Variants in RFX3 observed in about 807,000 individuals in gnomAD.
RFX3 encodes transcription factor RFX3.
RFX3 carries 14 observed loss-of-function variants against 98.6 expected under a neutral mutation model. The observed-to-expected ratio is 0.14, with a 90% CI of 0.09 to 0.22. The LOEUF (loss-of-function observed/expected upper bound fraction) is 0.22, where lower values mean the gene tolerates loss of function less well. RFX3 is among the 10% of genes least tolerant of loss of function. The probability of loss-of-function intolerance (pLI) is 1.00; values close to 1 mark genes in which losing one functional copy is unlikely to be tolerated. For missense variants in RFX3, 639 were observed against 926.9 expected, an observed-to-expected ratio of 0.69 and a Z score of 4.03; for synonymous variants, 383 against 328.4, an observed-to-expected ratio of 1.17 and a Z score of -1.80.
At chr9:3,283,681 C>T (rs1409839173) in intron 7 of RFX3, among the ~76,000 whole-genome samples, 2 of 151,760 alleles carry the variant, frequency 1.3e-5, no homozygotes, top group African/African-American at 4.8e-5. Context: ...CTTCTCTCTT[C>T]TTAAGTGACA....
intron 2 of RFX3, among the ~76,000 whole-genome samples, chr9:3,376,877 A>T (rs1838585085): frequency 6.6e-6 from 1 of 152,234 alleles, no homozygotes; most frequent in South Asian, 2.1e-4. Flanking sequence ...AGAAATGCAA[A>T]TCAAAACCAC....
At chr9:3,275,088 G>T (rs562233259) in intron 9 of RFX3, among the ~76,000 whole-genome samples, 429 of 151,670 alleles carry the variant, frequency 2.8e-3, no homozygotes, top group African/African-American at 9.2e-3. Flanking sequence ...TCTAAAGATT[G>T]TATTAATACC....
intron 1 of RFX3, among the ~76,000 whole-genome samples, chr9:3,469,333 A>G (rs80184473): frequency 0.016 from 2,365 of 152,296 alleles, 57 homozygotes; most frequent in African/African-American, 0.053. Flanking sequence ...GTCTAGTACC[A>G]TTAGAATCTA....
chr9:3,222,028 A>G lies in RFX3; in HGVS notation c.*3014T>C, dbSNP rs967406110. The G allele has an allele frequency of 6.6e-6, 1 of 152,186 alleles. No individual in the cohort carries two copies. The highest frequency in any genetic ancestry group is 2.4e-5 in the African/African-American group (1 of 41,460). The allele number at this position is 152,186 out of a possible 1,614,324, so 9.4% of individuals were successfully genotyped here. On this transcript the variant is annotated 3_prime_UTR_variant, in exon 17 of 17. Transcript: ENST00000617270. ...ATTATTTAGAAAACCCACACTTTCAATGAGTGAAAAAAGGGAAAAAGGGAA... is the reference window on the plus strand; with the variant it reads ...ATTATTTAGAAAACCCACACTTTCAGTGAGTGAAAAAAGGGAAAAAGGGAA...
At chr9:3,421,247 G>C (rs1378706815) in intron 1 of RFX3, among the ~76,000 whole-genome samples, 3 of 152,122 alleles carry the variant, frequency 2.0e-5, no homozygotes, top group African/African-American at 4.8e-5. Flanking sequence ...TGAACTCAAA[G>C]CTTACAAAGT....
chr9:3,392,873 G>A (rs970735521), intron 2 of RFX3, among the ~76,000 whole-genome samples: 15 of 152,166 alleles, frequency 9.9e-5, no homozygotes, highest in African/African-American at 3.6e-4. Flanking sequence ...GGTAATCACT[G>A]TTTACTACAA....
intron 15 of RFX3, chr9:3,247,548 G>A: frequency 5.6e-6 from 6 of 1,062,446 alleles, no homozygotes; most frequent in Non-Finnish European, 7.2e-6. Flanking sequence ...ATAGAACTGT[G>A]CCTCGCACAT....
intron 2 of RFX3, among the ~76,000 whole-genome samples, chr9:3,366,694 CTTTCTTTCTTTCTTTCTTTCTTTCT>C (rs1837152811): frequency 1.2e-4 from 1 of 8,304 alleles, no homozygotes; most frequent in Non-Finnish European, 3.0e-4. Context: ...TCTTTCTTTC[CTTTCTTTCTTTCTTTCTTTCTTTCT>C]TTCTTTCTTT....
chr9:3,307,720 C>T (rs117888932), intron 4 of RFX3, among the ~76,000 whole-genome samples: 1,670 of 152,210 alleles, frequency 0.011, 21 homozygotes, highest in Middle Eastern at 0.017. Context: ...ATTTCTCTGC[C>T]GCATAGTCTT....
intron 1 of RFX3, among the ~76,000 whole-genome samples, chr9:3,441,625 T>C (rs1037053115): frequency 4.0e-4 from 61 of 152,114 alleles, no homozygotes; most frequent in Non-Finnish European, 8.8e-5. Flanking sequence ...AAAAGAGCTC[T>C]CAATGGCCAA....
intron 1 of RFX3, among the ~76,000 whole-genome samples, chr9:3,492,039 C>A (rs565605062): frequency 2.8e-4 from 42 of 152,250 alleles, no homozygotes; most frequent in Non-Finnish European, 4.7e-4. Flanking sequence ...TTATTTTCAT[C>A]TCTGGCACAA....
At chr9:3,370,035 G>T (rs1203152579) in intron 2 of RFX3, among the ~76,000 whole-genome samples, 2 of 148,058 alleles carry the variant, frequency 1.4e-5, no homozygotes, top group African/African-American at 5.0e-5. Context: ...TAGAGACGGG[G>T]TTTCCCCGTG....
chr9:3,304,617 TAGTG>T (rs1401427024), intron 4 of RFX3, among the ~76,000 whole-genome samples: 3 of 151,482 alleles, frequency 2.0e-5, no homozygotes, highest in African/African-American at 7.3e-5. Flanking sequence ...GTTCTTGTGG[TAGTG>T]AGTAAGTCTC....
At chr9:3,518,448 G>A (rs1186627833) in intron 1 of RFX3, among the ~76,000 whole-genome samples, 5 of 152,130 alleles carry the variant, frequency 3.3e-5, no homozygotes, top group African/African-American at 1.2e-4. Flanking sequence ...CGGGAGTGGG[G>A]AGAATGGTGA....
intron 1 of RFX3, among the ~76,000 whole-genome samples, chr9:3,424,802 T>C (rs1369894908): frequency 6.6e-6 from 1 of 152,224 alleles, no homozygotes; most frequent in Non-Finnish European, 1.5e-5. Context: ...ATTATACATA[T>C]ATAATACATA....
At chr9:3,395,622 A>C in intron 1 of RFX3, 26 bp from the exon 2 acceptor site, 1 of 1,609,334 alleles carries the variant, frequency 6.2e-7, no homozygotes, top group African/African-American at 1.3e-5. Context: ...ATGAAATTAA[A>C]GTTTAAAATG....
In RFX3 at chr9:3,313,496, G is replaced by A. The variant is rs1042116865; in HGVS notation, c.475-11876C>T. ...AGGAACGCAGCTCCCCGCCAGCAAC[G>A]GAACAAAGCTGGATGGAGAATAATT... On this transcript the variant is annotated intron_variant, in intron 4 of 16. Transcript: ENST00000617270. Among the ~76,000 whole-genome samples the A allele has an allele frequency of 4.6e-5, 7 of 152,154 alleles. No individual in the cohort carries two copies. In the East Asian group the frequency reaches 7.7e-4, roughly 17 times the overall value.
chr9:3,239,309 T>A (rs759677861), intron 15 of RFX3, among the ~76,000 whole-genome samples: 49 of 152,244 alleles, frequency 3.2e-4, no homozygotes, highest in Admixed American at 6.5e-4. Context: ...TACTTTTCTT[T>A]GTATGTGTAT....
intron 1 of RFX3, among the ~76,000 whole-genome samples, chr9:3,482,236 A>G (rs1384899609): frequency 6.8e-6 from 1 of 147,388 alleles, no homozygotes; most frequent in Non-Finnish European, 1.5e-5. Flanking sequence ...AAAGTAAAAA[A>G]AAAATGGTAT....
Sources: gnomAD v4.1 joint callset for allele counts (sites outside exome capture counted in the v4.1 genomes callset) on GRCh38, gnomAD v4.1.1 for gene constraint, MANE v1.5 for transcripts, NCBI Gene and HGNC (gene_info 2026-07-23, HGNC 2026-07-21) for gene names.